The following PTPRD variants were observed in gnomAD, a reference collection of about 807,000 sequenced individuals.
The protein encoded by PTPRD is protein tyrosine phosphatase receptor type D.
A neutral mutation model predicts 214.5 loss-of-function variants in PTPRD; 34 were observed. The ratio of observed to expected loss-of-function variants is 0.16; its 90% CI spans 0.12 to 0.21. The LOEUF is 0.21. Ranked by LOEUF, PTPRD falls within the 10% of genes least tolerant of loss-of-function variation. The probability of loss-of-function intolerance (pLI) is 1.00; values close to 1 mark genes in which losing one functional copy is unlikely to be tolerated. For synonymous variants in PTPRD, 1,128 were observed against 845.7 expected, an observed-to-expected ratio of 1.33 and a Z score of -5.79; for missense variants, 2,545 against 2,398.7, an observed-to-expected ratio of 1.06 and a Z score of -1.27.
chr9:10,232,686 C>T (rs893281668), intron 3 of PTPRD, among the ~76,000 whole-genome samples: 10 of 152,070 alleles, frequency 6.6e-5, no homozygotes, highest in African/African-American at 2.4e-4. Context: ...TTTTAAGCTC[C>T]ATTATCATAA....
At chr9:8,618,506 T>G (rs959024539) in intron 14 of PTPRD, among the ~76,000 whole-genome samples, 1 of 152,068 alleles carries the variant, frequency 6.6e-6, no homozygotes. Flanking sequence ...AGAGGACTAA[T>G]TACTTGCTAG....
chr9:9,965,424 G>A (rs963896187), intron 4 of PTPRD, among the ~76,000 whole-genome samples: 1 of 152,132 alleles, frequency 6.6e-6, no homozygotes, highest in Non-Finnish European at 1.5e-5. Context: ...TAGCAGAAAA[G>A]GGAACATCTC....
intron 8 of PTPRD, among the ~76,000 whole-genome samples, chr9:9,489,805 A>T (rs185820012): frequency 6.8e-6 from 1 of 146,000 alleles, no homozygotes; most frequent in Non-Finnish European, 1.5e-5. Flanking sequence ...ACTGTAGAAT[A>T]AAAGAAGAAG....
chr9:8,724,976 T>C (rs1294877241), intron 12 of PTPRD, among the ~76,000 whole-genome samples: 1 of 152,112 alleles, frequency 6.6e-6, no homozygotes, highest in African/African-American at 2.4e-5. Context: ...TAAGTGCATG[T>C]AAAAACTGGT....
At chr9:8,709,555 AT>A (rs1481557668) in intron 12 of PTPRD, among the ~76,000 whole-genome samples, 1 of 151,364 alleles carries the variant, frequency 6.6e-6, no homozygotes, top group Non-Finnish European at 1.5e-5. Flanking sequence ...AAAAAGAAAA[AT>A]GCTAACAGAA....
intron 11 of PTPRD, among the ~76,000 whole-genome samples, chr9:8,837,048 T>G (rs1212885137): frequency 7.6e-6 from 1 of 131,042 alleles, no homozygotes; most frequent in Non-Finnish European, 1.6e-5. Context: ...TTTTTTGAGA[T>G]GGAGTCTCGC....
At chr9:9,650,170 G>C (rs140641165) in intron 7 of PTPRD, among the ~76,000 whole-genome samples, 1,942 of 152,120 alleles carry the variant, frequency 0.013, 40 homozygotes, top group African/African-American at 0.045. Context: ...GTGTGCAGTG[G>C]TTTTCCCCCA....
chr9:10,606,413 C>T (rs2079374216), intron 2 of PTPRD, among the ~76,000 whole-genome samples: 1 of 151,784 alleles, frequency 6.6e-6, no homozygotes, highest in Non-Finnish European at 1.5e-5. Context: ...GGGAAAAAAT[C>T]CCAAGGATGC....
intron 9 of PTPRD, among the ~76,000 whole-genome samples, chr9:9,325,947 T>A (rs1969882835): frequency 6.6e-6 from 1 of 152,222 alleles, no homozygotes; most frequent in Admixed American, 6.5e-5. Flanking sequence ...TCTATTGAGA[T>A]AATCATGTGT....
intron 11 of PTPRD, among the ~76,000 whole-genome samples, chr9:8,879,158 G>A (rs1320798040): frequency 6.6e-6 from 1 of 152,160 alleles, no homozygotes; most frequent in Non-Finnish European, 1.5e-5. Flanking sequence ...ATAGGCGTAT[G>A]TTGTCTTTTC....
chr9:10,011,179 G>C (rs1273636981), intron 4 of PTPRD, among the ~76,000 whole-genome samples: 2 of 151,832 alleles, frequency 1.3e-5, no homozygotes, highest in African/African-American at 4.8e-5. Context: ...ATTTTTCTTG[G>C]ATTGGAAGGT....
At chr9:10,568,009 A>G (rs2131810548) in intron 2 of PTPRD, among the ~76,000 whole-genome samples, 1 of 151,648 alleles carries the variant, frequency 6.6e-6, no homozygotes, top group East Asian at 1.9e-4. Flanking sequence ...GTACACTTGC[A>G]CAACGTGCAG....
chr9:10,220,752 A>G (rs1180973008), intron 3 of PTPRD, among the ~76,000 whole-genome samples: 1 of 151,846 alleles, frequency 6.6e-6, no homozygotes, highest in African/African-American at 2.4e-5. Flanking sequence ...CATAATATCT[A>G]TTATATGTGT....
rs571097521 is a variant in PTPRD, at chr9:10,466,564, G to A, written c.-599-125547C>T. On this transcript the variant is annotated intron_variant, in intron 2 of 45. Coordinates refer to ENST00000381196, the MANE Select transcript of PTPRD (RefSeq NM_002839.4). ...CTTGAACCCAGGAGGCAGAGGTTGC[G>A]GTGAGCCAAGATTGTGCCATTGCAC... is the stretch of plus-strand genomic sequence containing the variant. Among the ~76,000 whole-genome samples the A allele has an allele frequency of 2.3e-3, 338 of 146,550 alleles. 2 individuals carry two copies. The highest frequency in any genetic ancestry group is 7.8e-3 in the African/African-American group (305 of 39,232).
intron 3 of PTPRD, among the ~76,000 whole-genome samples, chr9:10,153,946 G>A (rs2099077851): frequency 6.6e-6 from 1 of 152,018 alleles, no homozygotes; most frequent in South Asian, 2.1e-4. Context: ...GCAATGAACA[G>A]ACACATGCAT....
At chr9:9,027,396 G>A (rs538526309) in intron 10 of PTPRD, among the ~76,000 whole-genome samples, 18 of 151,882 alleles carry the variant, frequency 1.2e-4, no homozygotes, top group South Asian at 6.2e-4. Context: ...CTGTAATTTC[G>A]TTTGTAGTGA....
chr9:10,196,134 T>G (rs1054622691), intron 3 of PTPRD, among the ~76,000 whole-genome samples: 2 of 152,184 alleles, frequency 1.3e-5, no homozygotes, highest in Non-Finnish European at 2.9e-5. Flanking sequence ...TCAAAAATCA[T>G]TGAACTTTAA....
chr9:8,606,822 G>A (rs1430215714), intron 14 of PTPRD, among the ~76,000 whole-genome samples: 3 of 152,158 alleles, frequency 2.0e-5, no homozygotes, highest in African/African-American at 7.2e-5. Flanking sequence ...TATTCAAAAT[G>A]TTCACAAAGC....
Position 10,507,738 on chromosome 9 carries a change from C to T in PTPRD, c.-600+104660G>A, listed in dbSNP as rs1009946200. Among the ~76,000 whole-genome samples, 4 of 152,262 alleles carry T rather than the reference C, an allele frequency of 2.6e-5. No individual in the cohort carries two copies. The South Asian group carries it at 8.3e-4, about 32-fold the overall frequency. On this transcript the variant is annotated intron_variant, in intron 2 of 45. Transcript: ENST00000381196. ...TAATAAATGGTGCTGGGAAAACTGG[C>T]TAGCCATATGTAGAAAGCTGAAACT...
Sources: gnomAD v4.1 joint callset for allele counts (sites outside exome capture counted in the v4.1 genomes callset) on GRCh38, gnomAD v4.1.1 for gene constraint, MANE v1.5 for transcripts, NCBI Gene and HGNC (gene_info 2026-07-23, HGNC 2026-07-21) for gene names.